The following MIA2 variants were observed in gnomAD, a reference collection of about 807,000 sequenced individuals.
MIA2 encodes the protein MIA SH3 domain ER export factor 2, also known as melanoma inhibitory activity protein 2.
Under a neutral mutation model 167.8 loss-of-function variants are expected in MIA2, and 127 were observed. The ratio of observed to expected loss-of-function variants is 0.76; its 90% CI spans 0.66 to 0.88. The LOEUF (loss-of-function observed/expected upper bound fraction) is 0.88, where lower values mean the gene tolerates loss of function less well. MIA2 is among the 40% of genes least tolerant of loss of function. The probability of loss-of-function intolerance (pLI) is 0.00; values close to 1 mark genes in which losing one functional copy is unlikely to be tolerated. For missense variants in MIA2, 1,690 were observed against 1,624.7 expected (o/e 1.04, Z -0.69); for synonymous variants, 552 against 541.9 (o/e 1.02, Z -0.26).
rs2062390801 is a variant in MIA2 at position 39,301,031 on chromosome 14, CAT to C, written c.2619+1049_2619+1050del. Among the ~76,000 whole-genome samples the C allele has an allele frequency of 9.5e-5, 8 of 84,152 alleles. No individual in the cohort carries two copies. The South Asian group carries it at 3.4e-3, about 36-fold the overall frequency. The allele number at this position is 84,152 out of a possible 152,430, so 55.2% of individuals were successfully genotyped here. On this transcript the variant is annotated intron_variant, in intron 14 of 28. Coordinates refer to ENST00000640607, the MANE Select transcript of MIA2 (RefSeq NM_001329214.4). The stretch of plus-strand genomic sequence containing the variant: ...ATACACATATATACACACATATATA[CAT>C]ATACATACACACACACACACACACA...
chr14:39,295,822 T>C (rs2061350125), intron 13 of MIA2, among the ~76,000 whole-genome samples: 1 of 152,202 alleles, frequency 6.6e-6, no homozygotes, highest in Admixed American at 6.5e-5. Flanking sequence ...CCTCCTAAAG[T>C]GTTGGGATTA....
At chr14:39,257,384 T>G (rs777182387) in intron 6 of MIA2, among the ~76,000 whole-genome samples, 1 of 152,188 alleles carries the variant, frequency 6.6e-6, no homozygotes, top group Non-Finnish European at 1.5e-5. Flanking sequence ...AAGACTGTTT[T>G]ATCAGAGACT....
At chr14:39,267,519 C>G (rs2152681583) in intron 6 of MIA2, 1 of 1,613,548 alleles carries the variant, frequency 6.2e-7, no homozygotes, top group Non-Finnish European at 8.5e-7. Context: ...AGGAGCTACG[C>G]AGGGTGAGCC....
chr14:39,288,688 C>G (rs1454376418), intron 9 of MIA2, among the ~76,000 whole-genome samples: 1 of 150,624 alleles, frequency 6.6e-6, no homozygotes, highest in Non-Finnish European at 1.5e-5. Flanking sequence ...GTCTGGAACT[C>G]CTGACCCTGT....
At chr14:39,344,230 T>C (rs2072699363) in intron 25 of MIA2, among the ~76,000 whole-genome samples, 1 of 152,212 alleles carries the variant, frequency 6.6e-6, no homozygotes, top group South Asian at 2.1e-4. Context: ...TGTGTGGGGA[T>C]ATAATTTAGA....
At chr14:39,352,418 TAAA>T (rs557844471), downstream of MIA2, among the ~76,000 whole-genome samples, 42 of 152,184 alleles carry the variant, frequency 2.8e-4, no homozygotes, top group African/African-American at 9.6e-4. Flanking sequence ...AGTAAAATCT[TAAA>T]AAAGGATATA....
intron 6 of MIA2, chr14:39,267,068 C>T (rs1008163380): frequency 1.8e-5 from 19 of 1,063,962 alleles, no homozygotes; most frequent in African/African-American, 1.2e-4. Context: ...TAAGAGCAAA[C>T]GACCCGGACA....
intron 17 of MIA2, 77 bp downstream of exon 17, chr14:39,304,458 T>C: frequency 2.5e-6 from 2 of 789,040 alleles, no homozygotes; most frequent in Non-Finnish European, 3.9e-6. Context: ...AAAAATGAAT[T>C]GAATTAACTT....
chr14:39,368,120 G>A (rs2074860926), intron 23 of MIA2, among the ~76,000 whole-genome samples: 1 of 152,048 alleles, frequency 6.6e-6, no homozygotes, highest in Admixed American at 6.6e-5. Context: ...TTTTGTTAAG[G>A]TTCTCTGAGA....
At chr14:39,265,762 T>C (rs1331574062) in intron 6 of MIA2, 1 of 227,156 alleles carries the variant, frequency 4.4e-6, no homozygotes, top group African/African-American at 2.3e-5. Flanking sequence ...GGCATACACG[T>C]TGTTCTAGGA....
At chr14:39,311,513 C>T (rs371701522) in intron 18 of MIA2, among the ~76,000 whole-genome samples, 18 of 116,678 alleles carry the variant, frequency 1.5e-4, no homozygotes, top group Admixed American at 4.9e-4. Context: ...AGTCTTGCTG[C>T]GATGCCCAGG....
At chr14:39,331,096 C>G (rs1319590954) in intron 25 of MIA2, among the ~76,000 whole-genome samples, 3 of 152,072 alleles carry the variant, frequency 2.0e-5, no homozygotes, top group African/African-American at 7.2e-5. Flanking sequence ...GAGTCTAAGT[C>G]TCTTTGTAGG....
intron 23 of MIA2, among the ~76,000 whole-genome samples, chr14:39,359,518 G>A (rs1368311016): frequency 6.6e-6 from 1 of 152,148 alleles, no homozygotes. Context: ...GCGATGCTTT[G>A]CCCTTCTTTG....
intron 6 of MIA2, among the ~76,000 whole-genome samples, chr14:39,258,562 C>T (rs1341012454): frequency 3.3e-5 from 5 of 152,204 alleles, no homozygotes; most frequent in African/African-American, 1.2e-4. Context: ...TTGTTATTAC[C>T]CACCTTCTGA....
Position 39,247,576 on chromosome 14 carries a change from C to G in MIA2, c.1002C>G (p.Ser334Arg). 6.2e-7 allele frequency: 1 copy of G among 1,613,952 alleles called. No homozygotes were observed. Among genetic ancestry groups the G allele is most frequent in the Non-Finnish European group, 8.5e-7 (1 of 1,179,988 alleles). The change falls in exon 4 of 29, where the codon AGC becomes AGG. Residue 334 changes from serine (S) to arginine (R), a missense_variant. Physicochemically the swap from Ser to Arg is moderately radical, Grantham distance 110. Transcript: ENST00000640607. ...GGCTTGAATTAATAGCTGAAGAAAG[C>G]AATCCACCACTACAAGATTTTCCCA... ...DTGLELIAEE[S>R]NPPLQDFPNS...
intron 6 of MIA2, among the ~76,000 whole-genome samples, chr14:39,272,870 G>A (rs1328487508): frequency 6.6e-6 from 1 of 152,158 alleles, no homozygotes; most frequent in Non-Finnish European, 1.5e-5. Flanking sequence ...CACTTCTTTT[G>A]TTAAATGTAT....
chr14:39,339,250 C>T (rs147011936), intron 25 of MIA2, among the ~76,000 whole-genome samples: 1 of 152,242 alleles, frequency 6.6e-6, no homozygotes, highest in Non-Finnish European at 1.5e-5. Context: ...TCCTAACAGC[C>T]CGCGGAAAGG....
Position 39,247,859 on chromosome 14 carries a change from A to G in MIA2, c.1285A>G (p.Thr429Ala). The G allele has an allele frequency of 1.3e-6, 2 of 1,588,244 alleles. No individual in the cohort carries two copies. Among genetic ancestry groups the G allele is most frequent in the Non-Finnish European group, 1.7e-6 (2 of 1,173,628 alleles). ...LDPEKEQEIE[T>A]IKIIETEDQI... ...CCCTGAAAAAGAACAAGAAATAGAAACGATAAAAATTATAGAAACAGAAGA... is the reference window on the plus strand; with the variant it reads ...CCCTGAAAAAGAACAAGAAATAGAAGCGATAAAAATTATAGAAACAGAAGA... The change falls in exon 4 of 29, where the codon ACG becomes GCG. Residue 429 changes from threonine to alanine, a missense_variant. Coordinates refer to ENST00000640607, the MANE Select transcript of MIA2 (RefSeq NM_001329214.4).
At chr14:39,262,976 C>G (rs939751666) in intron 6 of MIA2, among the ~76,000 whole-genome samples, 1 of 152,206 alleles carries the variant, frequency 6.6e-6, no homozygotes, top group African/African-American at 2.4e-5. Flanking sequence ...GGCAATTTGA[C>G]TCCCTCTTTT....
Sources: allele counts gnomAD v4.1 joint callset (sites outside exome capture counted in the v4.1 genomes callset), GRCh38; gene constraint gnomAD v4.1.1; transcripts MANE v1.5; gene names NCBI Gene and HGNC (gene_info 2026-07-23, HGNC 2026-07-21).